Variants in SAP30BP observed in about 807,000 individuals in gnomAD.
SAP30BP encodes the protein SAP30 binding protein.
SAP30BP carries 31 observed loss-of-function variants against 46.3 expected under a neutral mutation model. The ratio of observed to expected loss-of-function variants is 0.67; its 90% confidence interval spans 0.50 to 0.90. SAP30BP has a LOEUF of 0.90. Among genes scored for constraint, SAP30BP ranks in the 40% least tolerant of loss-of-function variants. SAP30BP has a pLI of 0.00. For synonymous variants in SAP30BP, 169 were observed against 144.2 expected (o/e 1.17, Z -1.23); for missense variants, 312 against 391.0 (o/e 0.80, Z 1.70).
intron 3 of SAP30BP, among the ~76,000 whole-genome samples, chr17:75,687,088 A>C (rs1372546950): frequency 1.3e-5 from 2 of 152,194 alleles, no homozygotes; most frequent in East Asian, 3.8e-4. Context: ...CTGATGGTTA[A>C]GAGCACAGTT....
At chr17:75,691,468 A>G (rs985224426) in intron 3 of SAP30BP, 1 of 456,696 alleles carries the variant, frequency 2.2e-6, no homozygotes, top group South Asian at 1.5e-5. Context: ...CAGGTTCACA[A>G]AAGCCACAAG....
chr17:75,689,381 C>T (rs955071544), intron 3 of SAP30BP, among the ~76,000 whole-genome samples: 1 of 151,988 alleles, frequency 6.6e-6, no homozygotes, highest in African/African-American at 2.4e-5. Flanking sequence ...CCTCCCAACT[C>T]CCCCAGCCTG....
intron 2 of SAP30BP, among the ~76,000 whole-genome samples, chr17:75,670,270 C>T (rs1046599344): frequency 2.6e-5 from 4 of 151,796 alleles, no homozygotes; most frequent in Non-Finnish European, 5.9e-5. Context: ...TGCAGTGAGC[C>T]GAGATCACGC....
At chr17:75,679,138 A>T (rs1196830296) in intron 3 of SAP30BP, among the ~76,000 whole-genome samples, 17 of 151,854 alleles carry the variant, frequency 1.1e-4, no homozygotes. Context: ...CTGGGACTAC[A>T]GGCGCCCGCC....
intron 3 of SAP30BP, among the ~76,000 whole-genome samples, chr17:75,675,949 T>G (rs2059983610): frequency 6.6e-6 from 1 of 152,142 alleles, no homozygotes. Flanking sequence ...TTAACATAAA[T>G]AACATTTTTA....
At chr17:75,705,646 C>T in intron 9 of SAP30BP, 1 of 1,077,710 alleles carries the variant, frequency 9.3e-7, no homozygotes. Flanking sequence ...CGCCTGGGGA[C>T]CGGAGCTGTC....
intron 3 of SAP30BP, among the ~76,000 whole-genome samples, chr17:75,677,484 G>A (rs1226548419): frequency 1.4e-5 from 2 of 147,898 alleles, no homozygotes; most frequent in Non-Finnish European, 3.0e-5. Context: ...CCAGGCTGGA[G>A]TGCAGTGGCG....
intron 3 of SAP30BP, 25 bp downstream of exon 3, chr17:75,671,888 T>C (rs1442048866): frequency 1.2e-6 from 2 of 1,603,172 alleles, no homozygotes; most frequent in Non-Finnish European, 1.7e-6. Context: ...CTGTGGTGGG[T>C]GGCTGGATGC....
chr17:75,669,704 T>C (rs1267381302), intron 2 of SAP30BP, among the ~76,000 whole-genome samples: 3 of 152,218 alleles, frequency 2.0e-5, no homozygotes, highest in Non-Finnish European at 2.9e-5. Flanking sequence ...TTAACTTCTT[T>C]CTTGACATTT....
chr17:75,700,043 T>C (rs1344388477), intron 5 of SAP30BP, 172 bp downstream of exon 5: 2 of 511,980 alleles, frequency 3.9e-6, no homozygotes, highest in East Asian at 3.3e-5. Context: ...GTTAGCCTCA[T>C]CTCAGGAGTT....
intron 3 of SAP30BP, chr17:75,672,114 T>C (rs1021138733): frequency 1.2e-5 from 6 of 487,504 alleles, no homozygotes; most frequent in Non-Finnish European, 2.3e-5. Flanking sequence ...GCGAGAGGCC[T>C]GGCTGAGGCC....
intron 3 of SAP30BP, chr17:75,684,053 C>T (rs2060123013): frequency 6.6e-6 from 1 of 152,244 alleles, no homozygotes; most frequent in Non-Finnish European, 1.5e-5. Flanking sequence ...GTTGAACCAA[C>T]AGCTTCCTAG....
chr17:75,670,803 T>C (rs1189878462), intron 2 of SAP30BP, among the ~76,000 whole-genome samples: 1 of 152,256 alleles, frequency 6.6e-6, no homozygotes, highest in African/African-American at 2.4e-5. Flanking sequence ...GTCTAGTTTG[T>C]TCAAGTCTCT....
intron 3 of SAP30BP, among the ~76,000 whole-genome samples, chr17:75,689,255 T>C (rs556371229): frequency 6.6e-6 from 1 of 151,770 alleles, no homozygotes; most frequent in East Asian, 1.9e-4. Context: ...TAGCTGGGAT[T>C]ACAGGCATGC....
intron 2 of SAP30BP, among the ~76,000 whole-genome samples, chr17:75,669,950 A>G (rs1468750546): frequency 6.6e-6 from 1 of 152,262 alleles, no homozygotes; most frequent in Non-Finnish European, 1.5e-5. Flanking sequence ...CTGACTGCTT[A>G]GCAAGTTTTA....
intron 4 of SAP30BP, among the ~76,000 whole-genome samples, chr17:75,696,791 C>T (rs1170668532): frequency 9.3e-6 from 1 of 107,592 alleles, no homozygotes; most frequent in Non-Finnish European, 1.8e-5. Context: ...TTTTTGGAGA[C>T]GGGGTCTGGC....
At chr17:75,695,579 G>T (rs2060305491) in intron 4 of SAP30BP, among the ~76,000 whole-genome samples, 1 of 152,172 alleles carries the variant, frequency 6.6e-6, no homozygotes, top group African/African-American at 2.4e-5. Flanking sequence ...TCATTGACGA[G>T]TAGCTAGTTT....
chr17:75,697,979 T>C (rs942676370), intron 4 of SAP30BP, among the ~76,000 whole-genome samples: 1 of 152,168 alleles, frequency 6.6e-6, no homozygotes, highest in Non-Finnish European at 1.5e-5. Context: ...GCTTGCTGAG[T>C]GTTACTGGTG....
In SAP30BP at chr17:75,706,388, C is replaced by T. The variant is rs746888876; in HGVS notation, c.794C>T (p.Thr265Met). ...TGGGATTCGGCTATCCCAGTGACAA[C>T]GATAGCCCAGCCCACCATCCTCACC... ...SKWDSAIPVT[T>M]IAQPTILTTT... The change falls in exon 11 of 11, where the codon ACG becomes ATG. Residue 265 changes from threonine (T) to methionine (M), a missense_variant. Physicochemically the swap from Thr to Met is moderately conservative, Grantham distance 81. Coordinates refer to ENST00000584667, the MANE Select transcript of SAP30BP (RefSeq NM_013260.8). The surrounding 1 kb of genome is among the most constrained non-coding windows in gnomAD (Gnocchi z 4.6). 7.4e-6 allele frequency: 12 copies of T among 1,614,024 alleles called. No homozygotes were observed. The highest frequency in any genetic ancestry group is 2.2e-5 in the South Asian group (2 of 91,082).
Sources: gnomAD v4.1 joint callset for allele counts (sites outside exome capture counted in the v4.1 genomes callset) on GRCh38, gnomAD v4.1.1 for gene constraint, Gnocchi (gnomAD v3.1) non-coding constraint, MANE v1.5 for transcripts, NCBI Gene and HGNC (gene_info 2026-07-23, HGNC 2026-07-21) for gene names.